Variants in DPP6 observed in about 807,000 individuals in gnomAD.
DPP6 encodes dipeptidyl peptidase like 6, also known as A-type potassium channel modulatory protein DPP6.
Under a neutral mutation model 122.6 loss-of-function variants are expected in DPP6, and 69 were observed. The ratio of observed to expected loss-of-function variants is 0.56; its 90% CI spans 0.46 to 0.69. The LOEUF (loss-of-function observed/expected upper bound fraction) is 0.69. Ranked by LOEUF, DPP6 falls within the 30% of genes least tolerant of loss-of-function variation. The probability of loss-of-function intolerance (pLI) is 0.00; values close to 1 mark genes in which losing one functional copy is unlikely to be tolerated. For missense variants in DPP6, 928 were observed against 1,116.9 expected, an observed-to-expected ratio of 0.83 and a Z score of 2.41; for synonymous variants, 418 against 433.1, an observed-to-expected ratio of 0.97 and a Z score of 0.43.
intron 3 of DPP6, among the ~76,000 whole-genome samples, chr7:154,535,396 TTTA>T (rs1026778231): frequency 4.3e-4 from 66 of 151,738 alleles, no homozygotes; most frequent in African/African-American, 1.5e-3. Flanking sequence ...ATTTTTTTTT[TTTA>T]TTATTATACT....
chr7:154,730,187 T>C (rs944756469), intron 8 of DPP6, among the ~76,000 whole-genome samples: 1 of 152,164 alleles, frequency 6.6e-6, no homozygotes, highest in African/African-American at 2.4e-5. Context: ...CTCCCTGATA[T>C]CTGAGATCCC....
chr7:153,932,187 C>G (rs923740204), intron 1 of DPP6, among the ~76,000 whole-genome samples: 1 of 148,460 alleles, frequency 6.7e-6, no homozygotes, highest in African/African-American at 2.5e-5. Context: ...ATGGCGCCAT[C>G]TTGGCTCACC....
the DPP6 span, among the ~76,000 whole-genome samples, chr7:153,833,444 C>T: frequency 0.24 from 36,565 of 152,072 alleles, 5,021 homozygotes; most frequent in African/African-American, 0.38. Context: ...GAGGCTGAGG[C>T]GGGCGGATCA....
rs1434252633 is a variant in DPP6, at chr7:154,058,060, C to T, written c.243+4997C>T. ...ATCCATCCCCTCTTCCCCCCTGACT[C>T]TTGGGACTCCCATTGCGGGTGGAGG... On this transcript the variant is annotated intron_variant, in intron 1 of 25. Transcript: ENST00000377770. The T allele has an allele frequency of 1.9e-4, 28 of 144,746 alleles. 3 individuals carry two copies. Among genetic ancestry groups the T allele is most frequent in the Admixed American group, 1.7e-3 (24 of 14,126 alleles). 9.0% of individuals were successfully genotyped at this position (144,746 alleles called of 1,614,324 possible). A position where few individuals can be genotyped will look rare whatever the true frequency, so the allele number is the denominator to read the frequency against.
intron 1 of DPP6, among the ~76,000 whole-genome samples, chr7:154,445,608 C>G (rs1819796152): frequency 6.6e-6 from 1 of 151,952 alleles, no homozygotes. Context: ...GGTGAGTTGC[C>G]CAGTGAAGAG....
At chr7:154,575,734 T>G (rs1831623498) in intron 5 of DPP6, among the ~76,000 whole-genome samples, 1 of 143,718 alleles carries the variant, frequency 7.0e-6, no homozygotes, top group Admixed American at 7.0e-5. Context: ...GTATGTGGTA[T>G]GTGTATGTGT....
intron 1 of DPP6, among the ~76,000 whole-genome samples, chr7:154,396,360 A>C (rs1034286173): frequency 1.3e-5 from 2 of 152,148 alleles, no homozygotes; most frequent in African/African-American, 4.8e-5. Flanking sequence ...CTGTGCCTGC[A>C]CTTGTGAGAG....
chr7:154,294,167 A>T (rs541685418), intron 1 of DPP6, among the ~76,000 whole-genome samples: 1 of 152,302 alleles, frequency 6.6e-6, no homozygotes, highest in South Asian at 2.1e-4. Flanking sequence ...GGAGAAACTC[A>T]CAGGCAGGGC....
intron 1 of DPP6, among the ~76,000 whole-genome samples, chr7:154,233,482 G>A (rs1801027746): frequency 6.6e-6 from 1 of 152,170 alleles, no homozygotes; most frequent in South Asian, 2.1e-4. Flanking sequence ...CTTTACCAAG[G>A]TAATCAAGTT....
intron 16 of DPP6, among the ~76,000 whole-genome samples, chr7:154,845,334 A>G (rs1177296839): frequency 6.6e-6 from 1 of 152,232 alleles, no homozygotes; most frequent in Non-Finnish European, 1.5e-5. Flanking sequence ...ACTTGCTATT[A>G]TTGGTACTTA....
At chr7:153,951,480 A>G (rs922430540) in intron 1 of DPP6, among the ~76,000 whole-genome samples, 6 of 152,066 alleles carry the variant, frequency 3.9e-5, no homozygotes, top group African/African-American at 1.4e-4. Context: ...CCACTCTGTC[A>G]CCGAATGTGT....
the DPP6 span, among the ~76,000 whole-genome samples, chr7:153,881,130 T>C: frequency 2.6e-5 from 4 of 152,326 alleles, no homozygotes; most frequent in Admixed American, 6.5e-5. Flanking sequence ...CTTCGTTTGT[T>C]CGAGAAACAT....
chr7:153,804,098 G>A, the DPP6 span, among the ~76,000 whole-genome samples: 29 of 150,702 alleles, frequency 1.9e-4, no homozygotes, highest in Non-Finnish European at 8.8e-5. Flanking sequence ...TGCTCAGGCT[G>A]GAGTGCAGTG....
intron 1 of DPP6, among the ~76,000 whole-genome samples, chr7:154,235,068 A>G (rs546260740): frequency 4.6e-5 from 7 of 152,238 alleles, no homozygotes; most frequent in Admixed American, 3.3e-4. Flanking sequence ...TTTAAAGCAT[A>G]CAATTAAACG....
At chr7:154,372,812 C>T (rs1214657683) in intron 1 of DPP6, among the ~76,000 whole-genome samples, 25 of 152,234 alleles carry the variant, frequency 1.6e-4, no homozygotes, top group Non-Finnish European at 5.9e-5. Flanking sequence ...CAGTGTAAGT[C>T]GGCATACAGG....
At chr7:154,099,581 A>G (rs1275473573) in intron 1 of DPP6, among the ~76,000 whole-genome samples, 2 of 150,732 alleles carry the variant, frequency 1.3e-5, no homozygotes, top group African/African-American at 2.4e-5. Flanking sequence ...CACCACAGCC[A>G]GCTGGAGGAA....
chr7:154,675,159 G>A (rs977688708), intron 7 of DPP6, among the ~76,000 whole-genome samples: 1 of 152,116 alleles, frequency 6.6e-6, no homozygotes, highest in African/African-American at 2.4e-5. Context: ...ATTGAACAAT[G>A]AGAACACATG....
intron 1 of DPP6, among the ~76,000 whole-genome samples, chr7:153,956,903 C>T (rs935798277): frequency 6.6e-6 from 1 of 152,146 alleles, no homozygotes; most frequent in Non-Finnish European, 1.5e-5. Context: ...TAACCAGCTC[C>T]TTACAAACTG....
Position 153,888,446 on chromosome 7 carries a change from TCCGCCTCCCCAGCGAGCCCAC to T in DPP6, c.51+720_51+740del, listed in dbSNP as rs1799039360. Among the ~76,000 whole-genome samples, 7 of 152,240 alleles carry T rather than the reference TCCGCCTCCCCAGCGAGCCCAC, an allele frequency of 4.6e-5. No homozygotes were observed. The South Asian group carries it at 1.2e-3, about 27-fold the overall frequency. ...ACTTTCTAAGTGGAGGACCCGGCGA[TCCGCCTCCCCAGCGAGCCCAC>T]CCGCCTCGCCGCTCCCCGCTGACCC... On this transcript the variant is annotated intron_variant, in intron 1 of 25. Coordinates refer to the DPP6 transcript ENST00000404039.
Sources: allele counts gnomAD v4.1 joint callset (sites outside exome capture counted in the v4.1 genomes callset), GRCh38; gene constraint gnomAD v4.1.1; transcripts MANE v1.5; gene names NCBI Gene and HGNC (gene_info 2026-07-23, HGNC 2026-07-21).